The following FAM221B variants were observed in gnomAD, a reference collection of about 807,000 sequenced individuals.
The protein encoded by FAM221B is family with sequence similarity 221 member B.
Under a neutral mutation model 39.8 loss-of-function variants are expected in FAM221B, and 35 were observed. The observed-to-expected ratio is 0.88, with a 90% confidence interval of 0.67 to 1.17. The LOEUF (loss-of-function observed/expected upper bound fraction) is 1.17, where lower values mean the gene tolerates loss of function less well. Among genes scored for constraint, FAM221B ranks in the 50% most tolerant of loss-of-function variants. FAM221B has a pLI of 0.00. For synonymous variants in FAM221B, 158 were observed against 178.1 expected (o/e 0.89, Z 0.90); for missense variants, 479 against 503.1 (o/e 0.95, Z 0.46).
Position 35,816,635 on chromosome 9 carries a change from T to C in FAM221B, c.*1834A>G, listed in dbSNP as rs1271624764. ...GTAATCCTAACTCTATTGTTGACTA[T>C]TAGTTGAATTAGTTTTAGGTGAATG... On this transcript the variant is annotated 3_prime_UTR_variant, in exon 7 of 7. Coordinates refer to ENST00000423537, the MANE Select transcript of FAM221B (RefSeq NM_001012446.4). 1 of 152,236 alleles carries C rather than the reference T, an allele frequency of 6.6e-6. No individual in the cohort carries two copies. Among genetic ancestry groups the C allele is most frequent in the Non-Finnish European group, 1.5e-5 (1 of 68,038 alleles). The allele number at this position is 152,236 out of a possible 1,614,324, so 9.4% of individuals were successfully genotyped here.
intron 6 of FAM221B, 123 bp from the exon 7 acceptor site, chr9:35,818,629 GC>G: frequency 2.8e-6 from 3 of 1,083,586 alleles, no homozygotes; most frequent in Middle Eastern, 2.8e-4. Flanking sequence ...AGGCCAGAGG[GC>G]CCCTGTATCT....
At chr9:35,822,387 T>G (rs1829170009) in intron 3 of FAM221B, among the ~76,000 whole-genome samples, 1 of 152,118 alleles carries the variant, frequency 6.6e-6, no homozygotes, top group African/African-American at 2.4e-5. Context: ...TAGCTTTTCT[T>G]TTCTTTTCCC....
intron 3 of FAM221B, chr9:35,821,348 G>A (rs1360241263): frequency 1.6e-5 from 15 of 965,620 alleles, no homozygotes; most frequent in Non-Finnish European, 1.9e-5. Context: ...TCCATAACAT[G>A]AATAAGGAGA....
rs1020160013 is a variant in FAM221B at position 35,819,270 on chromosome 9, C to T, written c.978G>A (p.Trp326Ter). Residue 326 changes from tryptophan to a stop codon, truncating the protein, a stop_gained, in exon 5 of 7, where the codon TGG (tryptophan) becomes TGA (stop). Transcript: ENST00000423537. LOFTEE classifies it high-confidence loss of function. ...TGTGTTTGCAGCGACATTGGGCCCT[C>T]CAGGCCTTGGGGTCAAAGGTGGCCC... The part of the protein sequence containing the change: ...KRRATFDPKA[W>*]RAQCRCKHSH... The T allele has an allele frequency of 5.2e-6, 8 of 1,551,738 alleles. No individual in the cohort carries two copies. Among genetic ancestry groups the T allele is most frequent in the Non-Finnish European group, 6.1e-6 (7 of 1,147,004 alleles).
intron 4 of FAM221B, 85 bp from the exon 5 acceptor site, chr9:35,819,479 C>A (rs141082193): frequency 4.8e-6 from 6 of 1,245,840 alleles, no homozygotes; most frequent in East Asian, 2.6e-5. Flanking sequence ...CCCACCACCC[C>A]CTATGCACGC....
rs1829327811 is a variant in FAM221B at position 35,825,710 on chromosome 9, C to T, written c.452G>A (p.Ser151Asn). Residue 151 changes from serine (S) to asparagine (N), a missense_variant, in exon 2 of 7, where the codon AGC becomes AAC. Transcript: ENST00000423537. This position sits in a 1 kb window ranked among gnomAD's most constrained non-coding sequence, Gnocchi z 4.2. ...GCCTGAAAGACAGTGTTCTGGAAGGCTCTCAGATTCAGAGAGATGGGTAGA... is the reference window on the plus strand; with the variant it reads ...GCCTGAAAGACAGTGTTCTGGAAGGTTCTCAGATTCAGAGAGATGGGTAGA... ...RRSTHLSESE[S>N]LPEHCLSGPS... 1 of 1,614,080 alleles carries T rather than the reference C, an allele frequency of 6.2e-7. No individual in the cohort carries two copies. Among genetic ancestry groups the T allele is most frequent in the Admixed American group, 1.7e-5 (1 of 60,008 alleles).
In FAM221B at chr9:35,819,488, G is replaced by T; in HGVS notation, c.854-94C>A. On this transcript the variant is annotated intron_variant, in intron 4 of 6. Transcript: ENST00000423537. ...TCCATCCCCACCACCCCCTATGCACGCAGACATGCTTTTTTTTTTTTTGAG... is the reference window on the plus strand; with the variant it reads ...TCCATCCCCACCACCCCCTATGCACTCAGACATGCTTTTTTTTTTTTTGAG... 6 of 1,149,036 alleles carry T rather than the reference G, an allele frequency of 5.2e-6. No homozygotes were observed. The South Asian group carries it at 9.8e-5, about 19-fold the overall frequency. The allele number at this position is 1,149,036 out of a possible 1,614,324, so 71.2% of individuals were successfully genotyped here.
chr9:35,822,295 T>C (rs1473800223), intron 3 of FAM221B, among the ~76,000 whole-genome samples: 1 of 152,242 alleles, frequency 6.6e-6, no homozygotes, highest in Non-Finnish European at 1.5e-5. Flanking sequence ...CACTTACTTA[T>C]GCCAAAAACT....
chr9:35,825,778 G>A lies in FAM221B; in HGVS notation c.384C>T (p.Leu128=). 1 of 1,614,184 alleles carries A rather than the reference G, an allele frequency of 6.2e-7. No individual in the cohort carries two copies. Among genetic ancestry groups the A allele is most frequent in the Non-Finnish European group, 8.5e-7 (1 of 1,180,006 alleles). ...CCTCATTGGAAGAAGACTCAGAGGA[G>A]AGGTCTTCCTTCAGAGTATCAGAAG... ...LSSSDTLKED[L]SSESSSNEVP... Residue 128 remains leucine (L), a synonymous_variant, in exon 2 of 7, where the codon CTC becomes CTT. Coordinates refer to ENST00000423537, the MANE Select transcript of FAM221B (RefSeq NM_001012446.4). The surrounding 1 kb of genome is among the most constrained non-coding windows in gnomAD (Gnocchi z 4.2).
intron 3 of FAM221B, among the ~76,000 whole-genome samples, chr9:35,820,929 A>T (rs1408412087): frequency 2.0e-5 from 3 of 152,182 alleles, no homozygotes; most frequent in Admixed American, 2.0e-4. Context: ...CTCATTCTCC[A>T]TGAGAACTGA....
chr9:35,822,787 A>G (rs1829179765), intron 3 of FAM221B, among the ~76,000 whole-genome samples: 2 of 152,236 alleles, frequency 1.3e-5, no homozygotes, highest in Admixed American at 1.3e-4. Context: ...GTGCCTCACA[A>G]TGTATTCACT....
chr9:35,819,220 C>T lies in FAM221B; in HGVS notation c.1028G>A (p.Gly343Glu). 1 of 1,551,620 alleles carries T rather than the reference C, an allele frequency of 6.4e-7. No individual in the cohort carries two copies. Residue 343 changes from glycine (G) to glutamate (E), a missense_variant, in exon 5 of 7, where the codon GGG becomes GAG. Transcript: ENST00000423537. ...KHSHEEHAAT[G>E]PHPCRHHGCC... ...ACCATGATGCCTGCAGGGATGGGGC[C>T]CAGTGGCTGCATGTTCTTCGTGGCT...
chr9:35,823,697 T>C (rs1829203773), intron 3 of FAM221B, among the ~76,000 whole-genome samples: 1 of 151,960 alleles, frequency 6.6e-6, no homozygotes, highest in Non-Finnish European at 1.5e-5. Flanking sequence ...TTTTGAGACA[T>C]TCTGTCACCC....
rs1317078544 is a variant in FAM221B at position 35,819,411 on chromosome 9, G to A, written c.854-17C>T. 21 of 1,548,644 alleles carry A rather than the reference G, an allele frequency of 1.4e-5. No homozygotes were observed. The highest frequency in any genetic ancestry group is 1.8e-5 in the Non-Finnish European group (21 of 1,144,640). ...CCGATATGTCTGTGGGATTGGGGAT[G>A]GATGGTAGGGTTAATCTGATAGGAC... On this transcript the variant is annotated splice_polypyrimidine_tract_variant and intron_variant, in intron 4 of 6. Transcript: ENST00000423537.
rs1829317990 is a variant in FAM221B at position 35,825,480 on chromosome 9, A to G, written c.598+84T>C. 1.3e-6 allele frequency: 2 copies of G among 1,581,058 alleles called. No individual in the cohort carries two copies. Among genetic ancestry groups the G allele is most frequent in the African/African-American group, 1.3e-5 (1 of 74,322 alleles). On this transcript the variant is annotated intron_variant, in intron 2 of 6. Coordinates refer to ENST00000423537, the MANE Select transcript of FAM221B (RefSeq NM_001012446.4). The surrounding 1 kb of genome is among the most constrained non-coding windows in gnomAD (Gnocchi z 4.2). ...CAGTCTCCTCCTCCTGGGGCAAGTCAAGGACAGTGAATAGTAGTGAGAACA... is the reference window on the plus strand; with the variant it reads ...CAGTCTCCTCCTCCTGGGGCAAGTCGAGGACAGTGAATAGTAGTGAGAACA...
Position 35,819,897 on chromosome 9 carries a change from G to A in FAM221B, c.846C>T (p.Ile282=). 1.2e-6 allele frequency: 2 copies of A among 1,610,894 alleles called. No individual in the cohort carries two copies. The highest frequency in any genetic ancestry group is 8.5e-7 in the Non-Finnish European group (1 of 1,177,068). ...TGGTCAGTTCTCCCCTACCTGAGAT[G>A]ATCCGGTGCTCTCTCAACAAGTGTC... is the stretch of plus-strand genomic sequence containing the variant. ...FCGHLLREHR[I]ISDISVPCKV... is the part of the protein sequence containing the mutation. Residue 282 remains isoleucine (I), a synonymous_variant, in exon 4 of 7, where the codon ATC becomes ATT. Coordinates refer to ENST00000423537, the MANE Select transcript of FAM221B (RefSeq NM_001012446.4).
chr9:35,819,021 G>T lies in FAM221B; in HGVS notation c.1052-12C>A. On this transcript the variant is annotated splice_polypyrimidine_tract_variant and intron_variant, in intron 5 of 6. Coordinates refer to ENST00000423537, the MANE Select transcript of FAM221B (RefSeq NM_001012446.4). ...GCCGCAGCAACAGCCTGGGGCAAAAGTGCAGCCAAGAAGAGTTTAGGAAAT... is the reference window on the plus strand; with the variant it reads ...GCCGCAGCAACAGCCTGGGGCAAAATTGCAGCCAAGAAGAGTTTAGGAAAT... 6.4e-7 allele frequency: 1 copy of T among 1,551,644 alleles called. No homozygotes were observed.
chr9:35,822,321 A>G (rs1829168405), intron 3 of FAM221B, among the ~76,000 whole-genome samples: 1 of 151,848 alleles, frequency 6.6e-6, no homozygotes, highest in South Asian at 2.1e-4. Context: ...CACTCCAGGC[A>G]TTTCCCTCTC....
At chr9:35,827,206 T>G (rs72727075) in intron 1 of FAM221B, among the ~76,000 whole-genome samples, 36,070 of 152,180 alleles carry the variant, frequency 0.24, 5,034 homozygotes, top group Non-Finnish European at 0.31. Flanking sequence ...CATCTTCAAA[T>G]AGGCACCAAT....
Sources: allele counts gnomAD v4.1 joint callset (sites outside exome capture counted in the v4.1 genomes callset), GRCh38; gene constraint gnomAD v4.1.1; non-coding constraint Gnocchi (gnomAD v3.1); transcripts MANE v1.5; gene names NCBI Gene and HGNC (gene_info 2026-07-23, HGNC 2026-07-21).